The following USP28 variants were observed in gnomAD, a reference collection of about 807,000 sequenced individuals.
The protein encoded by USP28 is ubiquitin specific peptidase 28, also known as ubiquitin carboxyl-terminal hydrolase 28.
In USP28, 113 loss-of-function variants were observed where a neutral mutation model predicts 145.0. The observed-to-expected ratio is 0.78, with a 90% CI of 0.67 to 0.91. The LOEUF (loss-of-function observed/expected upper bound fraction) is 0.91. Ranked by LOEUF, USP28 falls within the 40% of genes least tolerant of loss-of-function variation. The probability of loss-of-function intolerance (pLI) is 0.00; values close to 1 mark genes in which losing one functional copy is unlikely to be tolerated. For synonymous variants in USP28, 447 were observed against 450.9 expected, an observed-to-expected ratio of 0.99 and a Z score of 0.11; for missense variants, 1,201 against 1,289.6, an observed-to-expected ratio of 0.93 and a Z score of 1.05.
chr11:113,807,606 G>A (rs369898223), intron 18 of USP28, among the ~76,000 whole-genome samples: 29 of 151,912 alleles, frequency 1.9e-4, no homozygotes, highest in East Asian at 5.8e-4. Context: ...TAAAACAATG[G>A]ACTAATATCC....
chr11:113,834,082 C>T (rs559399832), intron 6 of USP28, among the ~76,000 whole-genome samples, 167 bp downstream of exon 6: 4 of 152,264 alleles, frequency 2.6e-5, no homozygotes, highest in Admixed American at 6.5e-5. Flanking sequence ...TTTTTGCATA[C>T]CCTTATATGT....
At chr11:113,856,709 TTTTA>T (rs1046331404) in intron 1 of USP28, among the ~76,000 whole-genome samples, 7 of 152,224 alleles carry the variant, frequency 4.6e-5, no homozygotes, top group Non-Finnish European at 8.8e-5. Context: ...TTTTATTTAT[TTTTA>T]TTTATTTATT....
exon 1 of USP28, chr11:113,875,491 T>A (rs1203121088): frequency 2.5e-6 from 3 of 1,207,548 alleles, no homozygotes; most frequent in Non-Finnish European, 3.1e-6. Context: ...CTGCTGCAGC[T>A]CCGCAGTCAT....
chr11:113,832,050 AT>A (rs1591311934), intron 7 of USP28, 57 bp from the exon 8 acceptor site: 1 of 1,366,968 alleles, frequency 7.3e-7, no homozygotes, highest in East Asian at 2.3e-5. Flanking sequence ...AGAAATTAAA[AT>A]TTATCCTTAT....
chr11:113,831,652 A>G (rs558997441), intron 8 of USP28, among the ~76,000 whole-genome samples: 4 of 152,270 alleles, frequency 2.6e-5, no homozygotes, highest in Admixed American at 1.3e-4. Flanking sequence ...TACATTTTAC[A>G]GCACATGCTG....
intron 1 of USP28, among the ~76,000 whole-genome samples, chr11:113,860,511 T>C (rs913287009): frequency 6.6e-6 from 1 of 150,770 alleles, no homozygotes; most frequent in African/African-American, 2.4e-5. Context: ...AAACATATAG[T>C]ATCAATGCCA....
intron 1 of USP28, 106 bp from the exon 2 acceptor site, chr11:113,854,441 G>C: frequency 2.8e-6 from 3 of 1,080,966 alleles, no homozygotes; most frequent in Middle Eastern, 2.1e-4. Context: ...CCTGAGGCTT[G>C]CCCAGGCTGG....
intron 11 of USP28, among the ~76,000 whole-genome samples, chr11:113,825,712 T>C (rs1476181097): frequency 2.6e-5 from 4 of 152,162 alleles, no homozygotes; most frequent in African/African-American, 9.7e-5. Flanking sequence ...AAAAACATTA[T>C]CCTAAAGAAA....
At chr11:113,874,449 A>AAATT in intron 1 of USP28, 25 of 856,324 alleles carry the variant, frequency 2.9e-5, no homozygotes, top group Non-Finnish European at 3.7e-5. Flanking sequence ...AAAAAAAAAA[A>AAATT]GTGTCTCCAT....
chr11:113,804,092 G>C (rs1939522506), intron 21 of USP28, among the ~76,000 whole-genome samples: 1 of 152,156 alleles, frequency 6.6e-6, no homozygotes, highest in Non-Finnish European at 1.5e-5. Flanking sequence ...TTTCACTTGA[G>C]TAACAGAAGT....
chr11:113,802,884 G>T (rs191395088), intron 23 of USP28, among the ~76,000 whole-genome samples: 1 of 152,162 alleles, frequency 6.6e-6, no homozygotes, highest in African/African-American at 2.4e-5. Flanking sequence ...GGAAAGCAAT[G>T]TGATAAAATC....
chr11:113,828,802 A>G (rs897537155), intron 10 of USP28: 1 of 373,752 alleles, frequency 2.7e-6, no homozygotes, highest in Admixed American at 3.8e-5. Context: ...ACAATTGAGA[A>G]CAGTAAATAC....
At chr11:113,825,731 C>A (rs1161164389) in intron 11 of USP28, among the ~76,000 whole-genome samples, 1 of 152,112 alleles carries the variant, frequency 6.6e-6, no homozygotes, top group Non-Finnish European at 1.5e-5. Context: ...AAGGACACAA[C>A]CAGAACAGGG....
chr11:113,859,840 TCA>T (rs1389530506), intron 1 of USP28, among the ~76,000 whole-genome samples: 11 of 152,202 alleles, frequency 7.2e-5, no homozygotes, highest in Non-Finnish European at 7.3e-5. Context: ...TGAGCTAAAT[TCA>T]CATTGTTTTC....
intron 3 of USP28, among the ~76,000 whole-genome samples, chr11:113,847,060 T>C (rs574361521): frequency 5.9e-5 from 9 of 152,296 alleles, no homozygotes; most frequent in Middle Eastern, 3.4e-3. Context: ...ATAATTATGA[T>C]AGAATATTAC....
At chr11:113,865,733 T>C (rs1948189267) in intron 1 of USP28, among the ~76,000 whole-genome samples, 1 of 152,166 alleles carries the variant, frequency 6.6e-6, no homozygotes, top group Admixed American at 6.5e-5. Context: ...ACTAAAACTA[T>C]AAAATTCTTA....
intron 1 of USP28, 136 bp from the exon 2 acceptor site, chr11:113,854,471 G>C: frequency 1.4e-6 from 1 of 703,848 alleles, no homozygotes. Context: ...GCCGGATCTC[G>C]GCTCACTGCA....
chr11:113,849,453 G>A (rs1209803201), intron 3 of USP28, among the ~76,000 whole-genome samples: 1 of 152,206 alleles, frequency 6.6e-6, no homozygotes, highest in Non-Finnish European at 1.5e-5. Flanking sequence ...GAATTGAACA[G>A]TGATAAAAGC....
rs148536308 is a variant in USP28, at chr11:113,843,585, G to A, written c.269-1817C>T. 2.6e-3 allele frequency among the ~76,000 whole-genome samples: 384 copies of A among 148,638 alleles called. 4 individuals are homozygous for A. The highest frequency in any genetic ancestry group is 8.9e-3 in the African/African-American group (360 of 40,292). The stretch of plus-strand genomic sequence containing the variant: ...ACTCAGGAGGCTGAGGCAGGAGGAC[G>A]GCTTGAACCCAGGAGGCGGAGGCTA... On this transcript the variant is annotated intron_variant, in intron 3 of 24. Coordinates refer to ENST00000003302, the Ensembl canonical transcript of USP28.
Sources: gnomAD v4.1 joint callset for allele counts (sites outside exome capture counted in the v4.1 genomes callset) on GRCh38, gnomAD v4.1.1 for gene constraint, MANE v1.5 for transcripts, NCBI Gene and HGNC (gene_info 2026-07-23, HGNC 2026-07-21) for gene names.